The following HLCS variants were observed in gnomAD, a reference collection of about 807,000 sequenced individuals.
HLCS encodes biotin--protein ligase.
Under a neutral mutation model 75.0 loss-of-function variants are expected in HLCS, and 53 were observed. The ratio of observed to expected loss-of-function variants is 0.71; its 90% CI spans 0.57 to 0.89. The LOEUF is 0.89. HLCS is among the 40% of genes least tolerant of loss of function. The probability of loss-of-function intolerance (pLI) is 0.00; values close to 1 mark genes in which losing one functional copy is unlikely to be tolerated. For missense variants in HLCS, 966 were observed against 1,074.0 expected, an observed-to-expected ratio of 0.90 and a Z score of 1.41; for synonymous variants, 431 against 428.6, an observed-to-expected ratio of 1.01 and a Z score of -0.07.
intron 6 of HLCS, among the ~76,000 whole-genome samples, chr21:36,794,376 A>T (rs1184162572): frequency 6.6e-6 from 1 of 152,244 alleles, no homozygotes; most frequent in Non-Finnish European, 1.5e-5. Context: ...CTGCTGCAAT[A>T]AGGCATTTGT....
intron 5 of HLCS, among the ~76,000 whole-genome samples, chr21:36,912,624 T>G (rs1475100068): frequency 6.6e-6 from 1 of 152,154 alleles, no homozygotes; most frequent in Non-Finnish European, 1.5e-5. Context: ...AATCGGAGAC[T>G]TAAAGGTGGT....
intron 5 of HLCS, among the ~76,000 whole-genome samples, chr21:36,903,275 G>A (rs937021554): frequency 2.0e-5 from 3 of 152,080 alleles, no homozygotes; most frequent in African/African-American, 7.2e-5. Context: ...GGAAGAAGAA[G>A]AAGAAATGAA....
rs1041505740 is a variant in HLCS, at chr21:36,749,633, A to G, written c.*4613T>C. ...CCCGCCTCTCCACGCACTCAGCTAT[A>G]CCTCATTCACAGCTCCTTGTGAGTG... is the stretch of plus-strand genomic sequence containing the variant. On this transcript the variant is annotated 3_prime_UTR_variant, in exon 11 of 11. Transcript: ENST00000674895. 1 of 152,162 alleles carries G rather than the reference A, an allele frequency of 6.6e-6. No individual in the cohort carries two copies. The highest frequency in any genetic ancestry group is 1.5e-5 in the Non-Finnish European group (1 of 68,018). The allele number at this position is 152,162 out of a possible 1,614,324, so 9.4% of individuals were successfully genotyped here. A position where few individuals can be genotyped will look rare whatever the true frequency, so the allele number is the denominator to read the frequency against.
rs77443713 is a variant in HLCS at position 36,763,489 on chromosome 21, G to A, written c.2121+1523C>T. 1.8e-4 allele frequency among the ~76,000 whole-genome samples: 28 copies of A among 152,332 alleles called. No individual in the cohort carries two copies. In the East Asian group the frequency reaches 4.6e-3, roughly 25 times the overall value. ...GTGATGTAATACAGGAAACAGAGAC[G>A]TCAGCATTAACTACATCTGTGGAAT... On this transcript the variant is annotated intron_variant, in intron 8 of 10. Transcript: ENST00000674895.
At chr21:36,799,751 C>T (rs2061140561) in intron 6 of HLCS, among the ~76,000 whole-genome samples, 2 of 152,212 alleles carry the variant, frequency 1.3e-5, no homozygotes, top group Admixed American at 6.5e-5. Context: ...ACGTCCAACA[C>T]AGTTCCATCC....
intron 6 of HLCS, among the ~76,000 whole-genome samples, chr21:36,783,415 C>T (rs191295415): frequency 1.3e-5 from 2 of 152,258 alleles, no homozygotes; most frequent in Admixed American, 1.3e-4. Context: ...TCCAGAGCTA[C>T]AACATCAAAG....
intron 6 of HLCS, among the ~76,000 whole-genome samples, chr21:36,858,954 G>C (rs546111594): frequency 6.6e-6 from 1 of 152,298 alleles, no homozygotes; most frequent in South Asian, 2.1e-4. Context: ...CTTCCTACCA[G>C]GTTTGTCATC....
At chr21:36,838,826 A>G (rs145445039) in intron 6 of HLCS, among the ~76,000 whole-genome samples, 1 of 152,328 alleles carries the variant, frequency 6.6e-6, no homozygotes, top group African/African-American at 2.4e-5. Context: ...GGAATGCCTA[A>G]AGCCACAAGA....
At chr21:36,791,177 G>A (rs894019292) in intron 6 of HLCS, among the ~76,000 whole-genome samples, 9 of 152,102 alleles carry the variant, frequency 5.9e-5, no homozygotes, top group Non-Finnish European at 1.2e-4. Context: ...GTCCTCTGTT[G>A]TAAAAACAAT....
At chr21:36,912,503 A>G (rs2065762464) in intron 5 of HLCS, among the ~76,000 whole-genome samples, 1 of 152,182 alleles carries the variant, frequency 6.6e-6, no homozygotes, top group African/African-American at 2.4e-5. Context: ...GGGGAAGGGG[A>G]ATTATTTATT....
intron 2 of HLCS, among the ~76,000 whole-genome samples, chr21:36,946,980 C>T (rs567705697): frequency 1.3e-5 from 2 of 152,290 alleles, no homozygotes; most frequent in African/African-American, 4.8e-5. Flanking sequence ...GATAAACTAA[C>T]ACCGTGGCAG....
intron 6 of HLCS, among the ~76,000 whole-genome samples, chr21:36,796,422 T>C (rs1275521358): frequency 1.3e-5 from 2 of 152,200 alleles, no homozygotes; most frequent in Non-Finnish European, 2.9e-5. Flanking sequence ...AAATGATCTA[T>C]TAGTCTGATC....
chr21:36,857,324 T>C (rs2063229256), intron 6 of HLCS, among the ~76,000 whole-genome samples: 1 of 152,212 alleles, frequency 6.6e-6, no homozygotes. Context: ...TTAACCTTTC[T>C]GTTTGTTCGA....
intron 2 of HLCS, among the ~76,000 whole-genome samples, chr21:36,955,067 A>C (rs1489373340): frequency 6.6e-6 from 1 of 152,162 alleles, no homozygotes; most frequent in East Asian, 1.9e-4. Context: ...TCTCAAAAAA[A>C]ACCCAACAAA....
intron 1 of HLCS, among the ~76,000 whole-genome samples, chr21:36,964,721 T>TA (rs1398887620): frequency 6.6e-6 from 1 of 152,196 alleles, no homozygotes; most frequent in Non-Finnish European, 1.5e-5. Context: ...TCACTAGTTA[T>TA]GGTTAGTGTA....
At position 36,756,204 on chromosome 21, in the gene HLCS, C is replaced by T. The variant is rs544260888; in HGVS notation, c.2450+338G>A. Among the ~76,000 whole-genome samples the T allele has an allele frequency of 1.1e-4, 17 of 152,044 alleles. No individual in the cohort carries two copies. In the South Asian group the frequency reaches 3.1e-3, roughly 28 times the overall value. On this transcript the variant is annotated intron_variant, in intron 10 of 10. Coordinates refer to ENST00000674895, the MANE Select transcript of HLCS (RefSeq NM_001352514.2). ...CTGTAATCCCAGCACTTTGGGAGGC[C>T]AAGGCGGGCAGATCACAAGGTCAGG...
chr21:36,874,527 T>C (rs1204421308), intron 6 of HLCS, among the ~76,000 whole-genome samples: 1 of 152,264 alleles, frequency 6.6e-6, no homozygotes, highest in Non-Finnish European at 1.5e-5. Flanking sequence ...ACCATATAGC[T>C]TTGATTATTG....
chr21:36,915,566 G>A (rs1050161933), intron 5 of HLCS, among the ~76,000 whole-genome samples: 1 of 152,234 alleles, frequency 6.6e-6, no homozygotes, highest in East Asian at 1.9e-4. Flanking sequence ...GGAGAGGGCG[G>A]GTCTAACCCC....
intron 6 of HLCS, among the ~76,000 whole-genome samples, chr21:36,871,867 A>C (rs1161943432): frequency 6.6e-6 from 1 of 152,178 alleles, no homozygotes; most frequent in Non-Finnish European, 1.5e-5. Context: ...GCAGTGTAAT[A>C]GGTACAATAA....
Sources: gnomAD v4.1 joint callset for allele counts (sites outside exome capture counted in the v4.1 genomes callset) on GRCh38, gnomAD v4.1.1 for gene constraint, MANE v1.5 for transcripts, NCBI Gene and HGNC (gene_info 2026-07-23, HGNC 2026-07-21) for gene names.